Variants in ANKRD44 observed in about 807,000 individuals in gnomAD.
ANKRD44 encodes the protein serine/threonine-protein phosphatase 6 regulatory ankyrin repeat subunit B.
ANKRD44 carries 35 observed loss-of-function variants against 116.0 expected under a neutral mutation model. The ratio of observed to expected loss-of-function variants is 0.30; its 90% confidence interval spans 0.23 to 0.40. ANKRD44 has a LOEUF of 0.40. Among genes scored for constraint, ANKRD44 ranks in the 10% least tolerant of loss-of-function variants. The probability of loss-of-function intolerance (pLI) is 1.00; values close to 1 mark genes in which losing one functional copy is unlikely to be tolerated. For missense variants in ANKRD44, 1,014 were observed against 1,242.6 expected (o/e 0.82, Z 2.77); for synonymous variants, 435 against 461.8 (o/e 0.94, Z 0.74).
Position 197,111,181 on chromosome 2 carries a change from T to C in ANKRD44, c.907-337A>G, listed in dbSNP as rs191923053. Reference sequence around the variant, plus strand: ...TGTTTTAAAAGCTTAGAGAAACAGTTATCTGAAACCTTTATTCCTCTCCTG... The same window carrying C: ...TGTTTTAAAAGCTTAGAGAAACAGTCATCTGAAACCTTTATTCCTCTCCTG... On this transcript the variant is annotated intron_variant, in intron 8 of 27. Coordinates refer to ENST00000282272, the MANE Select transcript of ANKRD44 (RefSeq NM_001195144.2). Among the ~76,000 whole-genome samples the C allele has an allele frequency of 2.5e-3, 377 of 152,336 alleles. 2 individuals are homozygous for C. Among genetic ancestry groups the C allele is most frequent in the African/African-American group, 8.8e-3 (364 of 41,566 alleles).
At chr2:197,010,810 G>A (rs2076286077) in intron 18 of ANKRD44, among the ~76,000 whole-genome samples, 1 of 152,222 alleles carries the variant, frequency 6.6e-6, no homozygotes, top group African/African-American at 2.4e-5. Context: ...GCCGCTATGT[G>A]AGGTTGATAA....
intron 21 of ANKRD44, among the ~76,000 whole-genome samples, chr2:196,969,033 T>C (rs1201984208): frequency 6.6e-6 from 1 of 152,180 alleles, no homozygotes; most frequent in Non-Finnish European, 1.5e-5. Flanking sequence ...GTGCCACTCA[T>C]ACATTCACTT....
At chr2:197,020,095 C>G (rs1283536201) in intron 17 of ANKRD44, among the ~76,000 whole-genome samples, 1 of 152,116 alleles carries the variant, frequency 6.6e-6, no homozygotes, top group Non-Finnish European at 1.5e-5. Flanking sequence ...AGATTACAGG[C>G]GTGAGCCACC....
intron 1 of ANKRD44, among the ~76,000 whole-genome samples, chr2:197,190,833 C>T (rs917427300): frequency 6.6e-6 from 1 of 152,200 alleles, no homozygotes; most frequent in Admixed American, 6.5e-5. Context: ...AAAGTCCTAC[C>T]TGCACAAGAG....
At chr2:197,239,146 A>T (rs1194089163) in intron 1 of ANKRD44, among the ~76,000 whole-genome samples, 1 of 152,236 alleles carries the variant, frequency 6.6e-6, no homozygotes, top group East Asian at 1.9e-4. Flanking sequence ...AGAATGGGAT[A>T]AACAAGGGTA....
At chr2:197,264,633 G>A (rs536431448) in intron 1 of ANKRD44, among the ~76,000 whole-genome samples, 90 of 152,208 alleles carry the variant, frequency 5.9e-4, no homozygotes, top group Non-Finnish European at 1.1e-3. Flanking sequence ...GAAAGTCTTC[G>A]GCTCTAGCAC....
intron 2 of ANKRD44, among the ~76,000 whole-genome samples, chr2:197,166,639 A>G (rs2579380): frequency 0.93 from 141,848 of 152,260 alleles, 66,840 homozygotes; most frequent in East Asian, 1. Flanking sequence ...AGAACCTGCT[A>G]TAAGCATTTT....
chr2:197,229,931 T>G (rs539928922), intron 1 of ANKRD44, among the ~76,000 whole-genome samples: 2 of 152,106 alleles, frequency 1.3e-5, no homozygotes, highest in Non-Finnish European at 1.5e-5. Flanking sequence ...TAATATAGAG[T>G]GATTGCTGAG....
chr2:197,001,124 C>T (rs2076107288), intron 22 of ANKRD44, among the ~76,000 whole-genome samples: 1 of 152,220 alleles, frequency 6.6e-6, no homozygotes, highest in Non-Finnish European at 1.5e-5. Context: ...CCTCCAATAT[C>T]TTTCCAATCA....
At chr2:196,973,179 CCTGA>C (rs374438822) in intron 21 of ANKRD44, among the ~76,000 whole-genome samples, 139 of 152,084 alleles carry the variant, frequency 9.1e-4, no homozygotes, top group African/African-American at 2.3e-3. Context: ...TTTGGATTTC[CCTGA>C]CTATCATTGA....
In ANKRD44 at chr2:197,025,272, G is replaced by A. The variant is rs930818640; in HGVS notation, c.1651-5C>T. ...ACTGTTTGTTCTTTCCAAAAGCTGTGGAGACAAAAAGCAAACAATAGTACG... is the reference window on the plus strand; with the variant it reads ...ACTGTTTGTTCTTTCCAAAAGCTGTAGAGACAAAAAGCAAACAATAGTACG... On this transcript the variant is annotated splice_region_variant and splice_polypyrimidine_tract_variant and intron_variant, in intron 16 of 27. Transcript: ENST00000282272. The A allele has an allele frequency of 3.1e-6, 5 of 1,607,798 alleles. No homozygotes were observed. In the African/African-American group the frequency reaches 6.7e-5, roughly 21 times the overall value.
intron 4 of ANKRD44, among the ~76,000 whole-genome samples, chr2:197,131,703 TCTGCACATAGGCCACAG>T (rs2079101163): frequency 1.3e-5 from 2 of 152,298 alleles, no homozygotes; most frequent in Non-Finnish European, 2.9e-5. Flanking sequence ...GCCAGCCACG[TCTGCACATAGGCCACAG>T]CAGCCTGCAT....
At chr2:197,057,147 T>C (rs1350606676) in intron 16 of ANKRD44, among the ~76,000 whole-genome samples, 1 of 152,218 alleles carries the variant, frequency 6.6e-6, no homozygotes, top group African/African-American at 2.4e-5. Context: ...ATTTTGCAGA[T>C]GTTCTTTATC....
chr2:197,144,675 T>A lies in ANKRD44; in HGVS notation c.190+2352A>T, dbSNP rs527612347. On this transcript the variant is annotated intron_variant, in intron 3 of 27. Transcript: ENST00000282272. ...GCTAAAGAGATTAAGAGCTCAGAAATTCCAAGACCAAACAAGTGAATAGAT... is the reference window on the plus strand; with the variant it reads ...GCTAAAGAGATTAAGAGCTCAGAAAATCCAAGACCAAACAAGTGAATAGAT... Among the ~76,000 whole-genome samples the A allele has an allele frequency of 8.5e-5, 13 of 152,286 alleles. No homozygotes were observed. In the East Asian group the frequency reaches 2.5e-3, roughly 29 times the overall value.
intron 2 of ANKRD44, among the ~76,000 whole-genome samples, chr2:197,173,424 A>G (rs1469179566): frequency 6.6e-6 from 1 of 152,220 alleles, no homozygotes; most frequent in African/African-American, 2.4e-5. Flanking sequence ...CAGGCACTGC[A>G]GTAATTCTGT....
intron 16 of ANKRD44, among the ~76,000 whole-genome samples, chr2:197,026,047 C>CAAAAA (rs111706910): frequency 0.038 from 4,917 of 130,328 alleles, 208 homozygotes; most frequent in Non-Finnish European, 0.053. Context: ...TAAAAAGAAA[C>CAAAAA]AAAAAAAAAA....
chr2:197,077,553 C>G (rs1424740136), intron 16 of ANKRD44, among the ~76,000 whole-genome samples: 2 of 152,090 alleles, frequency 1.3e-5, no homozygotes, highest in Admixed American at 1.3e-4. Context: ...TTTTAGCCTA[C>G]TTAGGATCTT....
chr2:197,090,291 A>G (rs2125176611), intron 10 of ANKRD44, among the ~76,000 whole-genome samples: 1 of 152,334 alleles, frequency 6.6e-6, no homozygotes, highest in East Asian at 1.9e-4. Context: ...AATCTGTTTC[A>G]CATAAAGCAT....
intron 10 of ANKRD44, among the ~76,000 whole-genome samples, chr2:197,099,113 C>A (rs562074589): frequency 6.6e-6 from 1 of 152,110 alleles, no homozygotes; most frequent in African/African-American, 2.4e-5. Context: ...CTCCTTGAAG[C>A]CTTTTCAGAA....
Sources: allele counts gnomAD v4.1 joint callset (sites outside exome capture counted in the v4.1 genomes callset), GRCh38; gene constraint gnomAD v4.1.1; transcripts MANE v1.5; gene names NCBI Gene and HGNC (gene_info 2026-07-23, HGNC 2026-07-21).